MACROD2: variants seen among roughly 807,000 people sequenced by gnomAD.
MACROD2 encodes ADP-ribose glycohydrolase MACROD2.
In MACROD2, 36 loss-of-function variants were observed where a neutral mutation model predicts 70.4. The observed-to-expected ratio is 0.51, with a 90% CI of 0.39 to 0.68. The LOEUF (loss-of-function observed/expected upper bound fraction) is 0.68, where lower values mean the gene tolerates loss of function less well. MACROD2 is among the 30% of genes least tolerant of loss of function. The pLI is 0.00. For synonymous variants in MACROD2, 172 were observed against 178.8 expected (o/e 0.96, Z 0.30); for missense variants, 496 against 538.4 (o/e 0.92, Z 0.78).
intron 3 of MACROD2, among the ~76,000 whole-genome samples, chr20:14,087,498 C>T (rs571194433): frequency 1.3e-5 from 2 of 150,502 alleles, no homozygotes; most frequent in African/African-American, 4.9e-5. Flanking sequence ...TGCTTCTGCA[C>T]TTCCTTTCTC....
At chr20:15,382,113 T>C (rs1263834751) in intron 6 of MACROD2, among the ~76,000 whole-genome samples, 1 of 152,096 alleles carries the variant, frequency 6.6e-6, no homozygotes, top group Non-Finnish European at 1.5e-5. Context: ...ACTTTGCTGC[T>C]CCATTTCCTC....
intron 5 of MACROD2, among the ~76,000 whole-genome samples, chr20:14,731,930 AT>A (rs1857736588): frequency 2.0e-5 from 3 of 152,096 alleles, no homozygotes; most frequent in Non-Finnish European, 2.9e-5. Flanking sequence ...AAACATGGTT[AT>A]TTTTATATGT....
chr20:15,359,475 T>TTATGTGTTAATATATACACAAA (rs2078326861), intron 6 of MACROD2, among the ~76,000 whole-genome samples: 11 of 151,812 alleles, frequency 7.2e-5, no homozygotes, highest in Admixed American at 6.6e-4. Context: ...ATCTAAATAT[T>TTATGTGTTAATATATACACAAA]TTCTTATTGT....
At chr20:14,545,043 A>T (rs1299943230) in intron 4 of MACROD2, among the ~76,000 whole-genome samples, 1 of 152,172 alleles carries the variant, frequency 6.6e-6, no homozygotes, top group East Asian at 1.9e-4. Context: ...CCAGATGATG[A>T]TGATGACGAT....
intron 5 of MACROD2, among the ~76,000 whole-genome samples, chr20:15,093,353 G>T (rs1045467484): frequency 3.4e-4 from 52 of 152,124 alleles, no homozygotes; most frequent in African/African-American, 1.2e-3. Flanking sequence ...AATGATTGGT[G>T]GGCCGGGGTC....
intron 15 of MACROD2, among the ~76,000 whole-genome samples, chr20:16,006,116 G>C (rs2066784488): frequency 6.6e-6 from 1 of 152,168 alleles, no homozygotes; most frequent in Non-Finnish European, 1.5e-5. Flanking sequence ...TAGAAGCAAA[G>C]ACCCTCTCCT....
intron 3 of MACROD2, among the ~76,000 whole-genome samples, chr20:14,096,633 G>T (rs1392853933): frequency 1.3e-5 from 2 of 152,098 alleles, no homozygotes; most frequent in African/African-American, 4.8e-5. Context: ...CTCCAAAAAG[G>T]ATTGCAGGTG....
chr20:15,498,160 G>A (rs950077681), intron 7 of MACROD2, among the ~76,000 whole-genome samples: 16 of 152,140 alleles, frequency 1.1e-4, no homozygotes, highest in Admixed American at 5.2e-4. Flanking sequence ...GCTCTGATTT[G>A]TTTTGTCCCC....
chr20:15,310,550 A>C (rs2077740911), intron 6 of MACROD2, among the ~76,000 whole-genome samples: 1 of 152,208 alleles, frequency 6.6e-6, no homozygotes, highest in African/African-American at 2.4e-5. Context: ...GATGCAACTC[A>C]GAAAAGAAAA....
intron 3 of MACROD2, among the ~76,000 whole-genome samples, chr20:14,137,670 G>A (rs2054817742): frequency 6.6e-6 from 1 of 152,082 alleles, no homozygotes; most frequent in South Asian, 2.1e-4. Flanking sequence ...ACCTGAAACT[G>A]TGAAACTCCT....
intron 15 of MACROD2, among the ~76,000 whole-genome samples, chr20:15,994,305 C>G (rs1214727093): frequency 6.6e-6 from 1 of 151,506 alleles, no homozygotes; most frequent in Non-Finnish European, 1.5e-5. Flanking sequence ...TGAGATGTGC[C>G]ATTATTTTAC....
At chr20:15,744,202 G>C (rs1335579462) in intron 8 of MACROD2, among the ~76,000 whole-genome samples, 2 of 152,080 alleles carry the variant, frequency 1.3e-5, no homozygotes, top group African/African-American at 4.8e-5. Flanking sequence ...CAATTTTAAA[G>C]ATTAAAACCA....
At chr20:15,164,101 A>G (rs1230864674) in intron 5 of MACROD2, among the ~76,000 whole-genome samples, 1 of 152,154 alleles carries the variant, frequency 6.6e-6, no homozygotes, top group African/African-American at 2.4e-5. Context: ...TTTAATACTC[A>G]AAGGACATAC....
rs189038937 is a variant in MACROD2, at chr20:15,876,741, G to A, written c.728-9023G>A. Among the ~76,000 whole-genome samples, 450 of 152,250 alleles carry A rather than the reference G, an allele frequency of 3.0e-3. 3 individuals carry two copies. Among genetic ancestry groups the A allele is most frequent in the African/African-American group, 0.01 (429 of 41,540 alleles). ...TTACAGTCCCACCAACAGTGTAAAAGCGTTCCTATTTCTCCACGTCGTCTC... is the reference window on the plus strand; with the variant it reads ...TTACAGTCCCACCAACAGTGTAAAAACGTTCCTATTTCTCCACGTCGTCTC... On this transcript the variant is annotated intron_variant, in intron 9 of 17. Coordinates refer to ENST00000684519, the MANE Select transcript of MACROD2 (RefSeq NM_001351661.2).
chr20:15,884,514 C>G (rs1004036817), intron 9 of MACROD2, among the ~76,000 whole-genome samples: 1 of 152,008 alleles, frequency 6.6e-6, no homozygotes, highest in African/African-American at 2.4e-5. Flanking sequence ...AGAGGGCAGT[C>G]ACTGAACTGT....
At chr20:15,260,135 G>A (rs535949688) in intron 6 of MACROD2, among the ~76,000 whole-genome samples, 72 of 151,532 alleles carry the variant, frequency 4.8e-4, no homozygotes, top group African/African-American at 1.6e-3. Flanking sequence ...TGTGTGTTAG[G>A]AACATTCCAA....
At chr20:15,304,784 G>C (rs2077681015) in intron 6 of MACROD2, among the ~76,000 whole-genome samples, 1 of 152,132 alleles carries the variant, frequency 6.6e-6, no homozygotes, top group African/African-American at 2.4e-5. Context: ...TAGATTGTGA[G>C]GTCTGATCCC....
intron 7 of MACROD2, among the ~76,000 whole-genome samples, chr20:15,465,897 C>T (rs946818149): frequency 6.6e-6 from 1 of 152,182 alleles, no homozygotes; most frequent in Non-Finnish European, 1.5e-5. Flanking sequence ...TTACTGAGCC[C>T]ATGCTTAATG....
At chr20:14,498,895 C>T (rs1033136256) in intron 4 of MACROD2, among the ~76,000 whole-genome samples, 13 of 152,208 alleles carry the variant, frequency 8.5e-5, no homozygotes, top group Admixed American at 5.2e-4. Context: ...GATTCTGTTT[C>T]GCTCTTGTTA....
Sources: gnomAD v4.1 joint callset for allele counts (sites outside exome capture counted in the v4.1 genomes callset) on GRCh38, gnomAD v4.1.1 for gene constraint, MANE v1.5 for transcripts, NCBI Gene and HGNC (gene_info 2026-07-23, HGNC 2026-07-21) for gene names.